The following ZBTB7C variants were observed in gnomAD, a reference collection of about 807,000 sequenced individuals.
ZBTB7C encodes the protein zinc finger and BTB domain-containing protein 7C.
In ZBTB7C, 8 loss-of-function variants were observed where a neutral mutation model predicts 25.7. That is an observed-to-expected ratio of 0.31 (90% CI 0.18 to 0.56). ZBTB7C has a LOEUF of 0.56. Ranked by LOEUF, ZBTB7C falls within the 20% of genes least tolerant of loss-of-function variation. The pLI is 0.91. For missense variants in ZBTB7C, 824 were observed against 855.2 expected, an observed-to-expected ratio of 0.96 and a Z score of 0.46; for synonymous variants, 394 against 369.0, an observed-to-expected ratio of 1.07 and a Z score of -0.78.
At chr18:48,153,472 G>T (rs553133898) in intron 3 of ZBTB7C, among the ~76,000 whole-genome samples, 22 of 152,246 alleles carry the variant, frequency 1.4e-4, no homozygotes, top group African/African-American at 5.3e-4. Context: ...CCTTGTTGGG[G>T]TCTGCATGAT....
chr18:48,141,143 A>ACCCCCC (rs201273460), intron 3 of ZBTB7C, among the ~76,000 whole-genome samples: 5 of 96,044 alleles, frequency 5.2e-5, no homozygotes, highest in African/African-American at 8.0e-5. Context: ...TCCCCCCCGC[A>ACCCCCC]CCACCCCCCC....
At chr18:48,104,220 T>C (rs531572911) in intron 3 of ZBTB7C, among the ~76,000 whole-genome samples, 1 of 152,294 alleles carries the variant, frequency 6.6e-6, no homozygotes, top group East Asian at 1.9e-4. Flanking sequence ...CTTAGTGCTG[T>C]CCTCCAGGTA....
intron 1 of ZBTB7C, among the ~76,000 whole-genome samples, chr18:48,379,228 C>A (rs921202690): frequency 6.6e-6 from 1 of 152,142 alleles, no homozygotes; most frequent in Non-Finnish European, 1.5e-5. Context: ...TTTGTCTATT[C>A]TTTTGCTAAT....
At chr18:48,384,018 A>G (rs2145220129) in intron 1 of ZBTB7C, among the ~76,000 whole-genome samples, 1 of 152,362 alleles carries the variant, frequency 6.6e-6, no homozygotes, top group African/African-American at 2.4e-5. Context: ...GCATTGCCTC[A>G]TGTGAAATCA....
intron 3 of ZBTB7C, chr18:48,169,854 A>G (rs943667756): frequency 2.6e-5 from 4 of 152,312 alleles, no homozygotes; most frequent in African/African-American, 9.7e-5. Flanking sequence ...TCTCTGTATC[A>G]TTCCTATTCT....
intron 2 of ZBTB7C, among the ~76,000 whole-genome samples, chr18:48,249,634 A>G (rs923059302): frequency 6.6e-6 from 1 of 152,220 alleles, no homozygotes; most frequent in African/African-American, 2.4e-5. Flanking sequence ...ATTATTTTTT[A>G]AATGTTCTCT....
At chr18:48,094,279 G>A (rs1296322973) in intron 3 of ZBTB7C, among the ~76,000 whole-genome samples, 1 of 152,126 alleles carries the variant, frequency 6.6e-6, no homozygotes, top group East Asian at 1.9e-4. Flanking sequence ...TAGCTCATGT[G>A]CAACTATTTC....
chr18:48,235,424 C>G (rs1013662729), intron 2 of ZBTB7C, among the ~76,000 whole-genome samples: 1 of 152,082 alleles, frequency 6.6e-6, no homozygotes, highest in Non-Finnish European at 1.5e-5. Context: ...CTGTAGAGCA[C>G]TTTGTGCTCA....
chr18:48,151,411 T>C (rs1377643629), intron 3 of ZBTB7C, among the ~76,000 whole-genome samples: 1 of 152,150 alleles, frequency 6.6e-6, no homozygotes, highest in Non-Finnish European at 1.5e-5. Context: ...GGTATGAACA[T>C]GTTCATGGTG....
At chr18:48,347,602 C>T (rs2046771800) in intron 1 of ZBTB7C, among the ~76,000 whole-genome samples, 1 of 152,148 alleles carries the variant, frequency 6.6e-6, no homozygotes, top group African/African-American at 2.4e-5. Context: ...TCCACCAAGG[C>T]TTCACATGCT....
intron 3 of ZBTB7C, among the ~76,000 whole-genome samples, chr18:48,109,962 A>G (rs1023369700): frequency 3.3e-5 from 5 of 152,138 alleles, no homozygotes; most frequent in Non-Finnish European, 7.3e-5. Context: ...CCTAACTAGC[A>G]GCAAAGGTGG....
chr18:48,054,708 T>G (rs2036845121), intron 3 of ZBTB7C, among the ~76,000 whole-genome samples: 1 of 152,196 alleles, frequency 6.6e-6, no homozygotes. Flanking sequence ...ACTGGAAGCT[T>G]GCAATTTCCA....
At chr18:48,387,171 T>A (rs1380659232) in intron 1 of ZBTB7C, among the ~76,000 whole-genome samples, 1 of 152,160 alleles carries the variant, frequency 6.6e-6, no homozygotes, top group Non-Finnish European at 1.5e-5. Flanking sequence ...GGAGTCAGGG[T>A]ATGCAAAGAT....
intron 2 of ZBTB7C, among the ~76,000 whole-genome samples, chr18:48,257,296 TA>T (rs1391579685): frequency 6.6e-6 from 1 of 151,968 alleles, no homozygotes; most frequent in African/African-American, 2.4e-5. Flanking sequence ...GAGGAGGACA[TA>T]ACAATTGGAA....
chr18:48,372,071 T>A (rs1598981913), intron 1 of ZBTB7C, among the ~76,000 whole-genome samples: 1 of 152,138 alleles, frequency 6.6e-6, no homozygotes, highest in East Asian at 1.9e-4. Context: ...TTCACTGACC[T>A]CCCCTCACCC....
intron 1 of ZBTB7C, among the ~76,000 whole-genome samples, chr18:48,367,056 A>C (rs4374237): frequency 0.7 from 105,302 of 149,852 alleles, 37,452 homozygotes; most frequent in East Asian, 0.81. Flanking sequence ...AAATTTTTCC[A>C]AGGGTATTTA....
In ZBTB7C at chr18:48,336,173, C is replaced by A. The variant is rs544161441; in HGVS notation, c.-79+2001G>T. Reference sequence around the variant, plus strand: ...AGCACTTAAATGCAGTCACCATTTCCGAGTGGTAGGGTCCACCTAAAACCA... The same window carrying A: ...AGCACTTAAATGCAGTCACCATTTCAGAGTGGTAGGGTCCACCTAAAACCA... On this transcript the variant is annotated intron_variant, in intron 2 of 4. Transcript: ENST00000590800. Among the ~76,000 whole-genome samples, 12 of 152,298 alleles carry A rather than the reference C, an allele frequency of 7.9e-5. No individual in the cohort carries two copies. The South Asian group carries it at 1.0e-3, about 13-fold the overall frequency.
At chr18:48,213,484 C>T (rs1007224908) in intron 2 of ZBTB7C, among the ~76,000 whole-genome samples, 28 of 152,282 alleles carry the variant, frequency 1.8e-4, no homozygotes, top group African/African-American at 2.6e-4. Context: ...TTCTCCTGTG[C>T]GTGCTAGAGA....
At position 48,339,131 on chromosome 18, in the gene ZBTB7C, C is replaced by T. The variant is rs142996369; in HGVS notation, c.-303-733G>A. ...AGTCCTTCTGGCTGAAGCAGCCTGC[C>T]CCAGCCTGGAGGTCTGCCCATCTCC... On this transcript the variant is annotated intron_variant, in intron 1 of 4. Coordinates refer to ENST00000590800, the MANE Select transcript of ZBTB7C (RefSeq NM_001318841.2). Among the ~76,000 whole-genome samples the T allele has an allele frequency of 1.1e-4, 17 of 152,336 alleles. No homozygotes were observed. In the East Asian group the frequency reaches 2.9e-3, roughly 26 times the overall value.
Sources: allele counts gnomAD v4.1 joint callset (sites outside exome capture counted in the v4.1 genomes callset), GRCh38; gene constraint gnomAD v4.1.1; transcripts MANE v1.5; gene names NCBI Gene and HGNC (gene_info 2026-07-23, HGNC 2026-07-21).